ANAPC5: variants seen among roughly 807,000 people sequenced by gnomAD.
ANAPC5 encodes the protein anaphase promoting complex subunit 5.
In ANAPC5, 60 loss-of-function variants were observed where a neutral mutation model predicts 91.3. The ratio of observed to expected loss-of-function variants is 0.66; its 90% CI spans 0.53 to 0.81. The LOEUF (loss-of-function observed/expected upper bound fraction) is 0.81, where lower values mean the gene tolerates loss of function less well. Ranked by LOEUF, ANAPC5 falls within the 40% of genes least tolerant of loss-of-function variation. The pLI is 0.00. For missense variants in ANAPC5, 690 were observed against 931.5 expected (o/e 0.74, Z 3.37); for synonymous variants, 340 against 364.1 (o/e 0.93, Z 0.75).
intron 11 of ANAPC5, among the ~76,000 whole-genome samples, chr12:121,321,860 CTGT>C (rs549113976): frequency 1.5e-3 from 221 of 149,676 alleles, no homozygotes; most frequent in Non-Finnish European, 2.7e-3. Context: ...TTGGGTTTTG[CTGT>C]TGTTGTTGCT....
At chr12:121,322,708 C>G (rs1023575550) in intron 11 of ANAPC5, among the ~76,000 whole-genome samples, 1 of 151,986 alleles carries the variant, frequency 6.6e-6, no homozygotes, top group Admixed American at 6.6e-5. Flanking sequence ...CATACTGGTC[C>G]AATTATTTCC....
chr12:121,330,837 C>T lies in ANAPC5; in HGVS notation c.1033-165G>A. ...TCTCAATGAGACCTGTCAAACATAT[C>T]AACATCATTAAAACCAGGCTGAAAT... On this transcript the variant is annotated intron_variant, in intron 8 of 16. Transcript: ENST00000261819. 5.3e-6 allele frequency: 3 copies of T among 562,746 alleles called. No homozygotes were observed. The South Asian group carries it at 6.5e-5, about 12-fold the overall frequency. The allele number at this position is 562,746 out of a possible 1,614,324, so 34.9% of individuals were successfully genotyped here.
In ANAPC5 at chr12:121,342,911, C is replaced by G. The variant is rs1334734232; in HGVS notation, c.591-842G>C. ...ATTGAAATTTTCCTTTAAAAAAGAA[C>G]TAAGAAATACATGTAAGTACATCCT... On this transcript the variant is annotated intron_variant, in intron 4 of 16. Transcript: ENST00000261819. This position sits in a 1 kb window ranked among gnomAD's most constrained non-coding sequence, Gnocchi z 4.1. Among the ~76,000 whole-genome samples, 2 of 152,078 alleles carry G rather than the reference C, an allele frequency of 1.3e-5. No homozygotes were observed. Among genetic ancestry groups the G allele is most frequent in the Non-Finnish European group, 2.9e-5 (2 of 68,010 alleles).
At chr12:121,308,993 AC>A (rs1349443583) in intron 16 of ANAPC5, among the ~76,000 whole-genome samples, 1 of 151,972 alleles carries the variant, frequency 6.6e-6, no homozygotes, top group Non-Finnish European at 1.5e-5. Context: ...TACTAAAAAT[AC>A]AAAAATTAGC....
At chr12:121,336,503 C>A (rs1249159401) in intron 6 of ANAPC5, among the ~76,000 whole-genome samples, 1 of 151,960 alleles carries the variant, frequency 6.6e-6, no homozygotes, top group Non-Finnish European at 1.5e-5. Flanking sequence ...CATGGTGAAA[C>A]CCCGTCTCTA....
chr12:121,333,757 C>G (rs560276358), intron 7 of ANAPC5: 19 of 152,330 alleles, frequency 1.2e-4, no homozygotes, highest in Admixed American at 2.6e-4. Context: ...CTTACCAGCT[C>G]TCAATCTTCT....
chr12:121,335,116 T>C (rs1289825888), intron 7 of ANAPC5: 1 of 153,042 alleles, frequency 6.5e-6, no homozygotes, highest in Non-Finnish European at 1.5e-5. Context: ...AATTCATTTC[T>C]TCCATTTCTT....
At chr12:121,312,443 A>C (rs1270104149) in intron 15 of ANAPC5, among the ~76,000 whole-genome samples, 1 of 151,948 alleles carries the variant, frequency 6.6e-6, no homozygotes, top group East Asian at 1.9e-4. Flanking sequence ...ACAGCGGCTC[A>C]CACCTGTAAT....
At chr12:121,322,012 C>G (rs1902634230) in intron 11 of ANAPC5, among the ~76,000 whole-genome samples, 1 of 151,166 alleles carries the variant, frequency 6.6e-6, no homozygotes, top group Non-Finnish European at 1.5e-5. Flanking sequence ...ATTACAGGTG[C>G]ATGCCACCAC....
chr12:121,325,845 C>T (rs561555287), intron 11 of ANAPC5, among the ~76,000 whole-genome samples: 2 of 152,290 alleles, frequency 1.3e-5, no homozygotes, highest in African/African-American at 4.8e-5. Flanking sequence ...CCAGACTGGG[C>T]GACAGAGCGA....
intron 15 of ANAPC5, among the ~76,000 whole-genome samples, chr12:121,310,578 A>T (rs1222099046): frequency 6.6e-6 from 1 of 151,918 alleles, no homozygotes; most frequent in East Asian, 1.9e-4. Context: ...AAAACTAGAA[A>T]ACATCTACTT....
At chr12:121,315,164 A>T (rs2136758007) in intron 15 of ANAPC5, among the ~76,000 whole-genome samples, 1 of 152,330 alleles carries the variant, frequency 6.6e-6, no homozygotes, top group East Asian at 1.9e-4. Context: ...CAACCCAAAA[A>T]TAAATGTTTA....
chr12:121,327,121 T>C lies in ANAPC5; in HGVS notation c.1415A>G (p.His472Arg). Residue 472 changes from histidine to arginine, a missense_variant, in exon 11 of 17, where the codon CAC (histidine) becomes CGC (arginine). This residue lies in a region of ANAPC5 where 317 missense variants were observed against 438.7 expected (regional missense o/e 0.72). Transcript: ENST00000261819. Reference sequence around the variant, plus strand: ...CTGCTCCGCGTGTAGCTCTGCGAGGTGGCAGAGTGCGACAGCAAAGGACTC... The same window carrying C: ...CTGCTCCGCGTGTAGCTCTGCGAGGCGGCAGAGTGCGACAGCAAAGGACTC... The part of the protein sequence containing the change: ...NTESFAVALC[H>R]LAELHAEQGC... The C allele has an allele frequency of 6.2e-7, 1 of 1,610,294 alleles. No homozygotes were observed. The highest frequency in any genetic ancestry group is 8.5e-7 in the Non-Finnish European group (1 of 1,178,844).
At chr12:121,350,888 C>T (rs1555275263) in intron 1 of ANAPC5, among the ~76,000 whole-genome samples, 1 of 152,076 alleles carries the variant, frequency 6.6e-6, no homozygotes, top group African/African-American at 2.4e-5. Context: ...AATGGAAAAA[C>T]CACAACTGAT....
intron 1 of ANAPC5, 91 bp from the exon 2 acceptor site, chr12:121,347,972 G>A: frequency 1.1e-6 from 1 of 885,580 alleles, no homozygotes; most frequent in East Asian, 2.5e-5. Flanking sequence ...CAACCCCTCT[G>A]CTTTAATAAT....
At position 121,345,999 on chromosome 12, in the gene ANAPC5, T is replaced by A. The variant is rs1555274642; in HGVS notation, c.430A>T (p.Ser144Cys). ...AACACTTGGCTGAAAGAAAGCTTAC[T>A]GTAGGCCAAGATCATGTGACGCAGA... ...LFLRHMILAYSKLSFSQVFKL... is the reference protein window; with the variant it reads ...LFLRHMILAYCKLSFSQVFKL... The change falls in exon 4 of 17, where the codon AGT (serine) becomes TGT (cysteine). Residue 144 changes from serine (S) to cysteine (C), a missense_variant. This residue lies in a region of ANAPC5 where 238 missense variants were observed against 264.9 expected (regional missense o/e 0.90). Transcript: ENST00000261819. The A allele has an allele frequency of 1.9e-6, 3 of 1,610,532 alleles. No homozygotes were observed. In the African/African-American group the frequency reaches 4.0e-5, roughly 22 times the overall value.
intron 7 of ANAPC5, chr12:121,332,577 G>GTTTTTTTTT (rs60691023): frequency 6.7e-6 from 1 of 149,312 alleles, no homozygotes. Flanking sequence ...TCTATAACAA[G>GTTTTTTTTT]TTTTTTTTTT....
intron 10 of ANAPC5, 156 bp from the exon 11 acceptor site, chr12:121,327,387 C>A: frequency 1.2e-6 from 1 of 861,414 alleles, no homozygotes; most frequent in South Asian, 1.8e-5. Flanking sequence ...AGCAACCTTG[C>A]CCTCAGGATA....
rs1902905334 is a variant in ANAPC5, at chr12:121,328,419, C to A, written c.1201G>T (p.Ala401Ser). 6.2e-7 allele frequency: 1 copy of A among 1,613,922 alleles called. No individual in the cohort carries two copies. The highest frequency in any genetic ancestry group is 8.5e-7 in the Non-Finnish European group (1 of 1,179,978). ...AGKTANKLMD[A>S]LKDSDLLHWK... ...TGCAGGAGGTCGGAGTCCTTTAGGG[C>A]ATCCATCAGCTTGTTTGCCGTCTTC... is the stretch of plus-strand genomic sequence containing the variant. Residue 401 changes from alanine to serine, a missense_variant, in exon 10 of 17, where the codon GCC (alanine) becomes TCC (serine). By Grantham distance (99) the Ala-to-Ser change is moderately conservative (BLOSUM62 1). Transcript: ENST00000261819.
Sources: gnomAD v4.1 joint callset for allele counts (sites outside exome capture counted in the v4.1 genomes callset) on GRCh38, gnomAD v4.1.1 for gene constraint, gnomAD v4.1.1 regional missense constraint, Gnocchi (gnomAD v3.1) non-coding constraint, MANE v1.5 for transcripts, NCBI Gene and HGNC (gene_info 2026-07-23, HGNC 2026-07-21) for gene names.